ARL9: variants seen among roughly 807,000 people sequenced by gnomAD.
ARL9 encodes the protein ARF like GTPase 9.
In ARL9, 14 loss-of-function variants were observed where a neutral mutation model predicts 27.0. That is an observed-to-expected ratio of 0.52 (90% CI 0.34 to 0.81). The LOEUF (loss-of-function observed/expected upper bound fraction) is 0.81. Among genes scored for constraint, ARL9 ranks in the 30% least tolerant of loss-of-function variants. The probability of loss-of-function intolerance (pLI) is 0.01; values close to 1 mark genes in which losing one functional copy is unlikely to be tolerated. For synonymous variants in ARL9, 106 were observed against 108.7 expected (o/e 0.98, Z 0.15); for missense variants, 294 against 290.0 (o/e 1.01, Z -0.10).
Position 56,511,221 on chromosome 4 carries a change from G to A in ARL9, c.316G>A (p.Gly106Arg). 2 of 1,610,106 alleles carry A rather than the reference G, an allele frequency of 1.2e-6. No individual in the cohort carries two copies. The highest frequency in any genetic ancestry group is 2.2e-5 in the East Asian group (1 of 44,842). The change falls in exon 2 of 4, where the codon GGA becomes AGA. Residue 106 changes from glycine (G) to arginine (R), a missense_variant. Coordinates refer to ENST00000640821, the MANE Select transcript of ARL9 (RefSeq NM_001363794.2). ...GCAAATCCTAGTGCTGGGCCTGGAT[G>A]GAGCAGGAAAAACCAGTGTCCTGCA... ...NKQILVLGLD[G>R]AGKTSVLHSL...
At chr4:56,511,973 T>C (rs34930885) in intron 2 of ARL9, among the ~76,000 whole-genome samples, 8,431 of 152,282 alleles carry the variant, frequency 0.055, 318 homozygotes, top group Non-Finnish European at 0.077. Context: ...CTGTTCTTTT[T>C]CCTTTAATCT....
intron 1 of ARL9, chr4:56,506,504 C>T: frequency 1.8e-6 from 1 of 563,158 alleles, no homozygotes; most frequent in Non-Finnish European, 2.2e-6. Context: ...CATTTAGAAA[C>T]CAGCCCCGAA....
At chr4:56,511,409 G>C in intron 2 of ARL9, 62 bp downstream of exon 2, 1 of 1,491,378 alleles carries the variant, frequency 6.7e-7, no homozygotes, top group South Asian at 1.3e-5. Flanking sequence ...AGCCAGATAT[G>C]ATGTTAGCAA....
intron 3 of ARL9, 88 bp downstream of exon 3, chr4:56,518,941 G>A: frequency 1.6e-6 from 2 of 1,231,922 alleles, no homozygotes; most frequent in Non-Finnish European, 1.1e-6. Context: ...TCAACAATAT[G>A]CTATATATTT....
intron 2 of ARL9, among the ~76,000 whole-genome samples, chr4:56,512,386 C>G (rs1026418794): frequency 1.3e-5 from 2 of 152,102 alleles, no homozygotes; most frequent in African/African-American, 4.8e-5. Context: ...TACCTCACCC[C>G]AGGCTTATTG....
At chr4:56,516,957 A>T (rs1721782749) in intron 2 of ARL9, among the ~76,000 whole-genome samples, 1 of 152,146 alleles carries the variant, frequency 6.6e-6, no homozygotes, top group East Asian at 1.9e-4. Flanking sequence ...AAATAAAAAG[A>T]GGATGTGGAT....
chr4:56,515,552 G>A (rs1290972460), intron 2 of ARL9, among the ~76,000 whole-genome samples: 1 of 152,062 alleles, frequency 6.6e-6, no homozygotes, highest in Non-Finnish European at 1.5e-5. Context: ...GAATTAGAGA[G>A]GAAGAAATAA....
rs138908292 is a variant in ARL9, at chr4:56,506,786, TTGTGTGTGTGTGTGTGTGTG to T, written c.279+673_279+692del. 168 of 181,698 alleles carry T rather than the reference TTGTGTGTGTGTGTGTGTGTG, an allele frequency of 9.2e-4. 3 individuals carry two copies. The highest frequency in any genetic ancestry group is 3.0e-4 in the Non-Finnish European group (37 of 125,014). The allele number at this position is 181,698 out of a possible 1,614,324, so 11.3% of individuals were successfully genotyped here. On this transcript the variant is annotated intron_variant, in intron 1 of 3. Coordinates refer to ENST00000640821, the MANE Select transcript of ARL9 (RefSeq NM_001363794.2). ...AAACAATTATGAATGATTAACACAG[TTGTGTGTGTGTGTGTGTGTG>T]TGTGTGTGTGTGTGTGTGTGTGTGT...
chr4:56,515,623 A>G (rs560715073), intron 2 of ARL9, among the ~76,000 whole-genome samples: 38 of 152,316 alleles, frequency 2.5e-4, no homozygotes, highest in Non-Finnish European at 4.7e-4. Flanking sequence ...CACCCTTCAA[A>G]TTATTAGAAA....
At chr4:56,508,725 TA>T (rs1312944870) in intron 1 of ARL9, among the ~76,000 whole-genome samples, 1 of 152,148 alleles carries the variant, frequency 6.6e-6, no homozygotes, top group Non-Finnish European at 1.5e-5. Flanking sequence ...ATGGCCTTCA[TA>T]AATCATGATC....
At chr4:56,518,160 T>C (rs191248579) in intron 2 of ARL9, among the ~76,000 whole-genome samples, 8 of 147,148 alleles carry the variant, frequency 5.4e-5, no homozygotes, top group Non-Finnish European at 1.2e-4. Context: ...GCATGCACCA[T>C]AGGCATGCAC....
chr4:56,509,397 G>C (rs1721565728), intron 1 of ARL9, among the ~76,000 whole-genome samples: 1 of 151,456 alleles, frequency 6.6e-6, no homozygotes, highest in African/African-American at 2.4e-5. Context: ...ACAGGGTTAT[G>C]CCGTGATAGC....
At position 56,506,104 on chromosome 4, in the gene ARL9, A is replaced by G. The variant is rs1422766265; in HGVS notation, c.242A>G (p.Lys81Arg). 3 of 1,233,600 alleles carry G rather than the reference A, an allele frequency of 2.4e-6. No individual in the cohort carries two copies. Among genetic ancestry groups the G allele is most frequent in the African/African-American group, 1.6e-5 (1 of 64,432 alleles). The allele number at this position is 1,233,600 out of a possible 1,614,324, so 76.4% of individuals were successfully genotyped here. Residue 81 changes from lysine (K) to arginine (R), a missense_variant, in exon 1 of 4, where the codon AAG becomes AGG. By Grantham distance (26) the Lys-to-Arg change is conservative. Transcript: ENST00000640821. ...FKGQEEKGEN[K>R]DSTLTRTPLE... ...GGACAAGAAGAGAAAGGGGAGAACA[A>G]GGACAGCACCTTGACAAGGACCCCG...
chr4:56,515,506 T>C (rs575613034), intron 2 of ARL9, among the ~76,000 whole-genome samples: 4 of 152,110 alleles, frequency 2.6e-5, no homozygotes, highest in African/African-American at 7.2e-5. Flanking sequence ...TACAGGAGGG[T>C]CTAGTCAGTT....
At chr4:56,512,776 A>C (rs1477948262) in intron 2 of ARL9, among the ~76,000 whole-genome samples, 1 of 152,142 alleles carries the variant, frequency 6.6e-6, no homozygotes, top group South Asian at 2.1e-4. Flanking sequence ...TCCTGACCTC[A>C]GGTGATCCAC....
At chr4:56,505,739 G>A, upstream of ARL9, 2 of 1,392,580 alleles carry the variant, frequency 1.4e-6, no homozygotes, top group East Asian at 2.7e-5. Flanking sequence ...GCGCCCGCGG[G>A]TTGTCTACGC....
At chr4:56,505,694 G>T, upstream of ARL9, 1 of 1,168,810 alleles carries the variant, frequency 8.6e-7, no homozygotes, top group Non-Finnish European at 1.2e-6. Flanking sequence ...CATCCGCGAG[G>T]TAAGCGGCGG....
intron 2 of ARL9, among the ~76,000 whole-genome samples, chr4:56,516,559 A>G (rs1275092821): frequency 6.7e-6 from 1 of 148,250 alleles, no homozygotes; most frequent in Non-Finnish European, 1.5e-5. Flanking sequence ...ACTCCACTTG[A>G]TCAGTAAGTA....
At chr4:56,506,486 C>T (rs149426734) in intron 1 of ARL9, among the ~76,000 whole-genome samples, 1 of 152,106 alleles carries the variant, frequency 6.6e-6, no homozygotes, top group Non-Finnish European at 1.5e-5. Context: ...GCACAGACCA[C>T]CTGACCACAT....
Sources: allele counts gnomAD v4.1 joint callset (sites outside exome capture counted in the v4.1 genomes callset), GRCh38; gene constraint gnomAD v4.1.1; transcripts MANE v1.5; gene names NCBI Gene and HGNC (gene_info 2026-07-23, HGNC 2026-07-21).